GLIPR1: variants seen among roughly 807,000 people sequenced by gnomAD.
GLIPR1 encodes the protein glioma pathogenesis-related protein 1.
A neutral mutation model predicts 30.3 loss-of-function variants in GLIPR1; 38 were observed. That is an observed-to-expected ratio of 1.26 (90% CI 0.97 to 1.65). The LOEUF is 1.65. Among genes scored for constraint, GLIPR1 ranks in the 40% most tolerant of loss-of-function variants. The pLI is 0.00. For missense variants in GLIPR1, 285 were observed against 326.5 expected (o/e 0.87, Z 0.98); for synonymous variants, 122 against 110.6 (o/e 1.10, Z -0.65).
chr12:75,495,526 A>G, intron 3 of GLIPR1, 51 bp from the exon 4 acceptor site: 1 of 1,020,478 alleles, frequency 9.8e-7, no homozygotes, highest in South Asian at 1.3e-5. Flanking sequence ...GTAAATTGCA[A>G]TTTTAAAAAA....
chr12:75,501,399 C>T lies in GLIPR1; in HGVS notation c.*2421C>T, dbSNP rs2046392817. 1 of 225,982 alleles carries T rather than the reference C, an allele frequency of 4.4e-6. No individual in the cohort carries two copies. The highest frequency in any genetic ancestry group is 8.7e-6 in the Non-Finnish European group (1 of 115,230). 14.0% of individuals were successfully genotyped at this position (225,982 alleles called of 1,614,324 possible). ...GATAATTCCTCTTTGAGAGGCATGA[C>T]AGCAGAGCTCAGGGATCTTCTTGCA... On this transcript the variant is annotated 3_prime_UTR_variant, in exon 6 of 6. Transcript: ENST00000266659.
At position 75,499,143 on chromosome 12, in the gene GLIPR1, T is replaced by C. The variant is rs893382731; in HGVS notation, c.*165T>C. On this transcript the variant is annotated 3_prime_UTR_variant, in exon 6 of 6. Coordinates refer to ENST00000266659, the MANE Select transcript of GLIPR1 (RefSeq NM_006851.3). ...GAAGAAATTTCCTAACTCTATCAGA[T>C]AAACTCATCTTTAGTATAAATAAGC... 2 of 471,402 alleles carry C rather than the reference T, an allele frequency of 4.2e-6. No homozygotes were observed. 29.2% of individuals were successfully genotyped at this position (471,402 alleles called of 1,614,324 possible).
At chr12:75,481,737 C>A (rs978470262) in intron 1 of GLIPR1, 97 bp from the exon 2 acceptor site, 5 of 1,113,982 alleles carry the variant, frequency 4.5e-6, no homozygotes, top group Non-Finnish European at 6.7e-6. Flanking sequence ...GGTATCTTCT[C>A]TCCTTATCTC....
intron 4 of GLIPR1, chr12:75,498,025 A>C (rs945280428): frequency 6.6e-6 from 1 of 152,268 alleles, no homozygotes; most frequent in Non-Finnish European, 1.5e-5. Context: ...GATGCTCACC[A>C]GTACCCAGAG....
intron 1 of GLIPR1, 53 bp downstream of exon 1, chr12:75,481,107 G>A (rs1024764997): frequency 7.2e-7 from 1 of 1,387,716 alleles, no homozygotes; most frequent in Admixed American, 1.8e-5. Flanking sequence ...CAACTAATGT[G>A]TATTGACTTT....
At chr12:75,485,502 GCCT>G (rs1019176474) in intron 2 of GLIPR1, among the ~76,000 whole-genome samples, 8 of 151,554 alleles carry the variant, frequency 5.3e-5, no homozygotes, top group Non-Finnish European at 1.0e-4. Flanking sequence ...TTCTCTTCCT[GCCT>G]CCTCCTCTCA....
intron 2 of GLIPR1, chr12:75,484,579 G>C (rs371359305): frequency 2.6e-5 from 4 of 152,216 alleles, no homozygotes; most frequent in African/African-American, 9.7e-5. Flanking sequence ...CCTGGGTACA[G>C]GCAGGCTGAG....
At position 75,499,720 on chromosome 12, in the gene GLIPR1, A is replaced by G; in HGVS notation, c.*742A>G. ...CACCAAAAAAAAAAAAAGCCCTCAG[A>G]AAATTTCTCACAAATAAGGCAACTA... On this transcript the variant is annotated 3_prime_UTR_variant, in exon 6 of 6. Transcript: ENST00000266659. The G allele has an allele frequency of 1.0e-6, 1 of 987,540 alleles. No individual in the cohort carries two copies. Among genetic ancestry groups the G allele is most frequent in the Non-Finnish European group, 1.4e-6 (1 of 696,692 alleles). The allele number at this position is 987,540 out of a possible 1,614,324, so 61.2% of individuals were successfully genotyped here.
Position 75,499,623 on chromosome 12 carries a change from T to C in GLIPR1, c.*645T>C. 2.9e-6 allele frequency: 1 copy of C among 350,292 alleles called. No individual in the cohort carries two copies. Among genetic ancestry groups the C allele is most frequent in the Non-Finnish European group, 5.0e-6 (1 of 199,914 alleles). 21.7% of individuals were successfully genotyped at this position (350,292 alleles called of 1,614,324 possible). ...ATACAAAGACTTATATACCACTTTC[T>C]CGTATAAATTTTTCAAAAAATACAA... On this transcript the variant is annotated 3_prime_UTR_variant, in exon 6 of 6. Coordinates refer to ENST00000266659, the MANE Select transcript of GLIPR1 (RefSeq NM_006851.3).
At chr12:75,485,991 C>G (rs931974691) in intron 2 of GLIPR1, among the ~76,000 whole-genome samples, 12 of 152,010 alleles carry the variant, frequency 7.9e-5, no homozygotes, top group Non-Finnish European at 1.6e-4. Flanking sequence ...CATCTTCCTT[C>G]CCTCTGGGTT....
chr12:75,481,460 T>C (rs528621867), intron 1 of GLIPR1: 1 of 236,512 alleles, frequency 4.2e-6, no homozygotes, highest in Non-Finnish European at 8.3e-6. Flanking sequence ...AGGATGGGAT[T>C]TTGATTCAGT....
intron 3 of GLIPR1, chr12:75,492,485 G>A (rs1242685507): frequency 6.6e-6 from 1 of 152,164 alleles, no homozygotes; most frequent in Non-Finnish European, 1.5e-5. Flanking sequence ...AGGGTTACAG[G>A]ACCCATCACT....
In GLIPR1 at chr12:75,500,255, C is replaced by T. The variant is rs185582999; in HGVS notation, c.*1277C>T. On this transcript the variant is annotated 3_prime_UTR_variant, in exon 6 of 6. Transcript: ENST00000266659. ...GGATTCAACTATATTAAGACTATTT[C>T]CTTAAATCCTACTTCAGACTAAATT... is the stretch of plus-strand genomic sequence containing the variant. The T allele has an allele frequency of 3.8e-3, 659 of 172,706 alleles. 3 individuals are homozygous for T. The highest frequency in any genetic ancestry group is 6.7e-3 in the Non-Finnish European group (551 of 82,070). The allele number at this position is 172,706 out of a possible 1,614,324, so 10.7% of individuals were successfully genotyped here.
intron 4 of GLIPR1, chr12:75,498,328 T>A (rs2120573957): frequency 5.8e-6 from 1 of 171,300 alleles, no homozygotes; most frequent in East Asian, 1.7e-4. Flanking sequence ...ACAGTATCAT[T>A]CTTCTCAGGA....
In GLIPR1 at chr12:75,498,664, T is replaced by A. The variant is rs762232836; in HGVS notation, c.620-30T>A. On this transcript the variant is annotated intron_variant, in intron 4 of 5. Coordinates refer to ENST00000266659, the MANE Select transcript of GLIPR1 (RefSeq NM_006851.3). The stretch of plus-strand genomic sequence containing the variant: ...TCTCAACTGTGTCTACCCTTTTAAT[T>A]TTTTTTCTTTCTTCCCCCTAACTTT... 13 of 1,594,450 alleles carry A rather than the reference T, an allele frequency of 8.2e-6. No individual in the cohort carries two copies. The South Asian group carries it at 9.9e-5, about 12-fold the overall frequency.
rs1480263188 is a variant in GLIPR1 at position 75,498,834 on chromosome 12, T to A, written c.657T>A (p.Ser219=). ...RQRDQVKRYY[S]VVYPGWPIYP... is the part of the protein sequence containing the mutation. The stretch of plus-strand genomic sequence containing the variant: ...ATGTTTGTTTCACAGGTTACTACTC[T>A]GTTGTATATCCAGGCTGGCCCATAT... The change falls in exon 6 of 6, where the codon TCT becomes TCA. Residue 219 remains serine (S), a synonymous_variant. Coordinates refer to ENST00000266659, the MANE Select transcript of GLIPR1 (RefSeq NM_006851.3). The A allele has an allele frequency of 2.5e-6, 4 of 1,612,598 alleles. No individual in the cohort carries two copies. The highest frequency in any genetic ancestry group is 2.5e-6 in the Non-Finnish European group (3 of 1,178,988).
intron 4 of GLIPR1, chr12:75,498,099 A>G (rs1483381024): frequency 6.6e-6 from 1 of 152,442 alleles, no homozygotes; most frequent in Non-Finnish European, 1.5e-5. Flanking sequence ...ACTGGTGTGG[A>G]AAAGGTTTCT....
rs1193425753 is a variant in GLIPR1 at position 75,482,056 on chromosome 12, A to G, written c.397A>G (p.Lys133Glu). Reference protein sequence around the residue: ...DYDFKTRICKKVCGHYTQVVW... With the variant: ...DYDFKTRICKEVCGHYTQVVW... The stretch of plus-strand genomic sequence containing the variant: ...TGACTTCAAGACTCGGATATGCAAA[A>G]AAGTCTGTGGCCACTACACTCAGGT... Residue 133 changes from lysine to glutamate, a missense_variant, in exon 2 of 6, where the codon AAA becomes GAA. By Grantham distance (56) the Lys-to-Glu change is moderately conservative. Transcript: ENST00000266659. 1 of 1,613,990 alleles carries G rather than the reference A, an allele frequency of 6.2e-7. No homozygotes were observed. Among genetic ancestry groups the G allele is most frequent in the Admixed American group, 1.7e-5 (1 of 60,026 alleles).
intron 2 of GLIPR1, among the ~76,000 whole-genome samples, chr12:75,482,547 C>G (rs1181590909): frequency 6.6e-6 from 1 of 151,982 alleles, no homozygotes; most frequent in Non-Finnish European, 1.5e-5. Flanking sequence ...CTACTGTGTG[C>G]CATGCACTAG....
Sources: allele counts gnomAD v4.1 joint callset (sites outside exome capture counted in the v4.1 genomes callset), GRCh38; gene constraint gnomAD v4.1.1; transcripts MANE v1.5; gene names NCBI Gene and HGNC (gene_info 2026-07-23, HGNC 2026-07-21).